Variants in NELL2 observed in about 807,000 individuals in gnomAD.
The protein encoded by NELL2 is neural EGFL like 2, also known as protein kinase C-binding protein NELL2.
A neutral mutation model predicts 109.6 loss-of-function variants in NELL2; 41 were observed. The ratio of observed to expected loss-of-function variants is 0.37; its 90% CI spans 0.29 to 0.49. The LOEUF is 0.49. Ranked by LOEUF, NELL2 falls within the 20% of genes least tolerant of loss-of-function variation. NELL2 has a pLI of 0.98. For synonymous variants in NELL2, 355 were observed against 344.7 expected, an observed-to-expected ratio of 1.03 and a Z score of -0.33; for missense variants, 900 against 1,008.3, an observed-to-expected ratio of 0.89 and a Z score of 1.45.
At chr12:44,861,244 G>A (rs1475321204) in intron 2 of NELL2, among the ~76,000 whole-genome samples, 2 of 152,150 alleles carry the variant, frequency 1.3e-5, no homozygotes, top group African/African-American at 2.4e-5. Flanking sequence ...AAATAAAAAT[G>A]AGCACTTGAC....
At chr12:44,868,828 G>T (rs1347409092) in intron 2 of NELL2, among the ~76,000 whole-genome samples, 4 of 152,034 alleles carry the variant, frequency 2.6e-5, no homozygotes, top group Admixed American at 2.6e-4. Flanking sequence ...ACAACATAAT[G>T]ACTATAGTAA....
intron 1 of NELL2, among the ~76,000 whole-genome samples, chr12:44,908,224 T>C (rs414125): frequency 0.64 from 97,676 of 151,788 alleles, 32,043 homozygotes; most frequent in East Asian, 0.94. Flanking sequence ...GGAAGCTATG[T>C]GGTATAGATA....
At chr12:44,705,614 G>A (rs1325095060) in intron 11 of NELL2, among the ~76,000 whole-genome samples, 1 of 152,148 alleles carries the variant, frequency 6.6e-6, no homozygotes, top group Non-Finnish European at 1.5e-5. Flanking sequence ...TATAATGCCT[G>A]AGGGAGAACA....
intron 15 of NELL2, among the ~76,000 whole-genome samples, chr12:44,571,396 G>T (rs1405139869): frequency 6.6e-6 from 1 of 152,182 alleles, no homozygotes; most frequent in Non-Finnish European, 1.5e-5. Flanking sequence ...TCTCAGGTCT[G>T]CAATGACTGG....
chr12:44,601,681 A>G (rs1945227137), intron 15 of NELL2, among the ~76,000 whole-genome samples: 1 of 152,176 alleles, frequency 6.6e-6, no homozygotes, highest in African/African-American at 2.4e-5. Flanking sequence ...TTACAAAATC[A>G]TCATATCAGG....
chr12:44,532,735 A>G lies in NELL2; in HGVS notation c.1664-14T>C, dbSNP rs74085084. The G allele has an allele frequency of 2.2e-3, 3,543 of 1,598,176 alleles. 76 individuals are homozygous for G. In the African/African-American group the frequency reaches 0.038, roughly 17 times the overall value. Reference sequence around the variant, plus strand: ...ATTCATCAATGTCTGGCAAAAAAAGAGGGATTTTATAAAATTATTTATCTT... The same window carrying G: ...ATTCATCAATGTCTGGCAAAAAAAGGGGGATTTTATAAAATTATTTATCTT... On this transcript the variant is annotated splice_polypyrimidine_tract_variant and intron_variant, in intron 15 of 19. Transcript: ENST00000429094.
intron 13 of NELL2, among the ~76,000 whole-genome samples, chr12:44,626,591 C>T (rs1235928799): frequency 6.6e-6 from 1 of 152,116 alleles, no homozygotes; most frequent in Non-Finnish European, 1.5e-5. Flanking sequence ...GACAGAGACC[C>T]TAATTTATTC....
chr12:44,838,176 T>C lies in NELL2; in HGVS notation c.185-22040A>G, dbSNP rs1944113076. On this transcript the variant is annotated intron_variant, in intron 2 of 19. Coordinates refer to ENST00000429094, the MANE Select transcript of NELL2 (RefSeq NM_001145108.2). ...CAAATCCTAGCTGTCTCTTAGTATTTAGAAGATGCATCATGAAAATATCCA... is the reference window on the plus strand; with the variant it reads ...CAAATCCTAGCTGTCTCTTAGTATTCAGAAGATGCATCATGAAAATATCCA... Among the ~76,000 whole-genome samples the C allele has an allele frequency of 2.6e-5, 4 of 152,290 alleles. 1 individual carries two copies. In the East Asian group the frequency reaches 7.7e-4, roughly 29 times the overall value.
rs75409745 is a variant in NELL2, at chr12:44,832,686, T to G, written c.185-16550A>C. Among the ~76,000 whole-genome samples the G allele has an allele frequency of 7.6e-3, 1,164 of 152,286 alleles. 15 individuals are homozygous for G. The highest frequency in any genetic ancestry group is 0.026 in the African/African-American group (1,089 of 41,556). On this transcript the variant is annotated intron_variant, in intron 2 of 19. Coordinates refer to ENST00000429094, the MANE Select transcript of NELL2 (RefSeq NM_001145108.2). ...TTGCCACCTATTTTAATATTATGAT[T>G]TAAAGGTAGAGTAGATAACAACCAC...
chr12:44,731,968 C>T (rs1566259535), intron 9 of NELL2, among the ~76,000 whole-genome samples: 1 of 151,896 alleles, frequency 6.6e-6, no homozygotes, highest in Non-Finnish European at 1.5e-5. Flanking sequence ...TAAATAATCT[C>T]ATTTACAATA....
Position 44,798,058 on chromosome 12 carries a change from TC to T in NELL2, c.335+17927del, listed in dbSNP as rs1235014641. On this transcript the variant is annotated intron_variant, in intron 3 of 19. Coordinates refer to ENST00000429094, the MANE Select transcript of NELL2 (RefSeq NM_001145108.2). ...GGAATGATGGAATAAAAGCATTCCATCCTAGATGGAATGATGGAATAAAAGC... is the reference window on the plus strand; with the variant it reads ...GGAATGATGGAATAAAAGCATTCCATCTAGATGGAATGATGGAATAAAAGC... 1.0e-3 allele frequency among the ~76,000 whole-genome samples: 129 copies of T among 125,110 alleles called. 15 individuals are homozygous for T. In the East Asian group the frequency reaches 0.023, roughly 22 times the overall value. The allele number at this position is 125,110 out of a possible 152,430, so 82.1% of individuals were successfully genotyped here. A position where few individuals can be genotyped will look rare whatever the true frequency, so the allele number is the denominator to read the frequency against.
rs74928524 is a variant in NELL2 at position 44,889,251 on chromosome 12, C to G, written c.39-13351G>C. 3.1e-3 allele frequency among the ~76,000 whole-genome samples: 467 copies of G among 152,096 alleles called. 2 individuals carry two copies. Among genetic ancestry groups the G allele is most frequent in the Non-Finnish European group, 5.8e-3 (397 of 68,012 alleles). On this transcript the variant is annotated intron_variant, in intron 1 of 20. Coordinates refer to the NELL2 transcript ENST00000333837. ...TTTACCAAACAGCACTGTAAGAGAA[C>G]TGAAAATGTGAATAAGGTTTACCAA...
intron 12 of NELL2, among the ~76,000 whole-genome samples, chr12:44,700,271 T>G (rs1949188169): frequency 6.6e-6 from 1 of 152,192 alleles, no homozygotes; most frequent in African/African-American, 2.4e-5. Context: ...CTCACTGGCT[T>G]TCGTCCATTG....
At chr12:44,617,252 A>G (rs1419476236) in intron 13 of NELL2, among the ~76,000 whole-genome samples, 1 of 152,224 alleles carries the variant, frequency 6.6e-6, no homozygotes, top group Non-Finnish European at 1.5e-5. Flanking sequence ...GTAATGAACA[A>G]TAACAGGGAG....
intron 15 of NELL2, among the ~76,000 whole-genome samples, chr12:44,565,662 C>T (rs80196593): frequency 0.014 from 2,181 of 152,172 alleles, 41 homozygotes; most frequent in African/African-American, 0.049. Context: ...TCTGCCTTGA[C>T]GCTTACCAAC....
intron 3 of NELL2, among the ~76,000 whole-genome samples, chr12:44,809,063 T>C (rs542986034): frequency 1.3e-5 from 2 of 152,110 alleles, no homozygotes; most frequent in South Asian, 4.1e-4. Context: ...TGGAACAAAT[T>C]TGTATATCTA....
intron 15 of NELL2, among the ~76,000 whole-genome samples, chr12:44,598,502 A>C (rs896320498): frequency 2.4e-4 from 36 of 152,064 alleles, no homozygotes; most frequent in African/African-American, 7.2e-5. Context: ...CAGTCTGCAG[A>C]TTTCTGAATG....
At chr12:44,534,743 T>C (rs1342218726) in intron 15 of NELL2, among the ~76,000 whole-genome samples, 2 of 152,058 alleles carry the variant, frequency 1.3e-5, no homozygotes, top group African/African-American at 4.8e-5. Context: ...AAGAAAGCCA[T>C]ATGGGGGATG....
At chr12:44,916,694 G>A (rs1945831531), upstream of NELL2, among the ~76,000 whole-genome samples, 1 of 152,068 alleles carries the variant, frequency 6.6e-6, no homozygotes, top group African/African-American at 2.4e-5. Context: ...TGTAAGTCAA[G>A]AAAATGACAA....
Sources: gnomAD v4.1 joint callset for allele counts (sites outside exome capture counted in the v4.1 genomes callset) on GRCh38, gnomAD v4.1.1 for gene constraint, MANE v1.5 for transcripts, NCBI Gene and HGNC (gene_info 2026-07-23, HGNC 2026-07-21) for gene names.